BFAR: variants seen among roughly 807,000 people sequenced by gnomAD.
BFAR encodes the protein bifunctional apoptosis regulator, also known as RING finger protein 47.
BFAR carries 52 observed loss-of-function variants against 54.4 expected under a neutral mutation model. The ratio of observed to expected loss-of-function variants is 0.96; its 90% CI spans 0.77 to 1.21. BFAR has a LOEUF of 1.21. BFAR is among the 50% of genes most tolerant of loss of function. The pLI is 0.00. For missense variants in BFAR, 571 were observed against 534.0 expected, an observed-to-expected ratio of 1.07 and a Z score of -0.68; for synonymous variants, 215 against 204.3, an observed-to-expected ratio of 1.05 and a Z score of -0.45.
chr16:14,658,863 C>A (rs1960201887), intron 5 of BFAR, among the ~76,000 whole-genome samples: 1 of 151,934 alleles, frequency 6.6e-6, no homozygotes, highest in Non-Finnish European at 1.5e-5. Flanking sequence ...GACAAAATTA[C>A]AATATCACCA....
intron 1 of BFAR, among the ~76,000 whole-genome samples, chr16:14,634,867 C>T (rs1959384298): frequency 6.6e-6 from 1 of 152,144 alleles, no homozygotes; most frequent in Admixed American, 6.5e-5. Flanking sequence ...AAAACGTACA[C>T]AAATAAAAGT....
chr16:14,641,583 C>CGGACATGGT lies in BFAR; in HGVS notation c.-73-2688_-73-2680dup, dbSNP rs1959629859. 3.3e-5 allele frequency among the ~76,000 whole-genome samples: 5 copies of CGGACATGGT among 150,924 alleles called. No homozygotes were observed. In the Admixed American group the frequency reaches 3.3e-4, roughly 10 times the overall value. On this transcript the variant is annotated intron_variant, in intron 1 of 7. Coordinates refer to ENST00000261658, the MANE Select transcript of BFAR (RefSeq NM_016561.3). ...AAAAAAAAAAGTATACTATAGAGGC[C>CGGACATGGT]GGACATGGTGGCTCACGCCTGTAAT...
chr16:14,657,221 TTG>T (rs965869840), intron 5 of BFAR, among the ~76,000 whole-genome samples: 5 of 152,144 alleles, frequency 3.3e-5, no homozygotes, highest in African/African-American at 9.6e-5. Flanking sequence ...TTGTTATTTT[TTG>T]TGTTATTTGG....
intron 1 of BFAR, 152 bp downstream of exon 1, chr16:14,633,170 T>A (rs1959311574): frequency 6.6e-6 from 1 of 152,084 alleles, no homozygotes; most frequent in African/African-American, 2.4e-5. Flanking sequence ...CAGGCCCGAG[T>A]CCTGAGCATC....
intron 7 of BFAR, among the ~76,000 whole-genome samples, chr16:14,665,836 GA>G (rs1161729158): frequency 6.6e-6 from 1 of 152,180 alleles, no homozygotes; most frequent in African/African-American, 2.4e-5. Flanking sequence ...GTGCTTTATA[GA>G]AAATGCAGTA....
Position 14,667,958 on chromosome 16 carries a change from A to C in BFAR, c.*131A>C. On this transcript the variant is annotated 3_prime_UTR_variant, in exon 8 of 8. Coordinates refer to ENST00000261658, the MANE Select transcript of BFAR (RefSeq NM_016561.3). ...AAACAAGGTGCTGCTTTGTATATCAAAAGCTCCAACCATGTCCTCTCCCCC... is the reference window on the plus strand; with the variant it reads ...AAACAAGGTGCTGCTTTGTATATCACAAGCTCCAACCATGTCCTCTCCCCC... The C allele has an allele frequency of 2.0e-6, 2 of 991,926 alleles. No homozygotes were observed. Among genetic ancestry groups the C allele is most frequent in the Non-Finnish European group, 3.0e-6 (2 of 669,534 alleles). 61.4% of individuals were successfully genotyped at this position (991,926 alleles called of 1,614,324 possible).
chr16:14,655,731 C>T (rs1002742044), intron 5 of BFAR, among the ~76,000 whole-genome samples: 17 of 152,236 alleles, frequency 1.1e-4, no homozygotes, highest in Middle Eastern at 3.4e-3. Flanking sequence ...TCAGCCACCG[C>T]GCCTGGCCTG....
At position 14,668,985 on chromosome 16, in the gene BFAR, G is replaced by T; in HGVS notation, c.*1158G>T. 2.2e-6 allele frequency: 1 copy of T among 444,452 alleles called. No individual in the cohort carries two copies. The highest frequency in any genetic ancestry group is 4.5e-6 in the Non-Finnish European group (1 of 220,792). 27.5% of individuals were successfully genotyped at this position (444,452 alleles called of 1,614,324 possible). A position where few individuals can be genotyped will look rare whatever the true frequency, so the allele number is the denominator to read the frequency against. On this transcript the variant is annotated 3_prime_UTR_variant, in exon 8 of 8. Coordinates refer to ENST00000261658, the MANE Select transcript of BFAR (RefSeq NM_016561.3). ...AGGTATAATTACACCAAGCGCTATA[G>T]TTATAAATATGGCATGAAGTGAACT... is the stretch of plus-strand genomic sequence containing the variant.
intron 1 of BFAR, among the ~76,000 whole-genome samples, chr16:14,641,302 G>A (rs1373745397): frequency 6.6e-6 from 1 of 152,200 alleles, no homozygotes; most frequent in Non-Finnish European, 1.5e-5. Flanking sequence ...GAAGAGAAGA[G>A]TAGCTGAGAG....
chr16:14,636,995 G>A (rs903468303), intron 1 of BFAR, among the ~76,000 whole-genome samples: 3 of 152,208 alleles, frequency 2.0e-5, no homozygotes, highest in Non-Finnish European at 4.4e-5. Context: ...TAGATTAACA[G>A]CATCTCAAGG....
At chr16:14,636,056 G>C (rs1357848788) in intron 1 of BFAR, among the ~76,000 whole-genome samples, 2 of 152,170 alleles carry the variant, frequency 1.3e-5, no homozygotes, top group African/African-American at 2.4e-5. Flanking sequence ...GTGCACTCTA[G>C]ATATTTAATA....
At chr16:14,644,195 G>T in intron 1 of BFAR, 79 bp from the exon 2 acceptor site, 6 of 764,832 alleles carry the variant, frequency 7.8e-6, no homozygotes, top group Non-Finnish European at 1.3e-5. Context: ...CGCTTCAATA[G>T]AATGTCAATA....
At chr16:14,646,424 G>C (rs1959796962) in intron 2 of BFAR, among the ~76,000 whole-genome samples, 1 of 151,604 alleles carries the variant, frequency 6.6e-6, no homozygotes, top group Non-Finnish European at 1.5e-5. Context: ...CTGACCTTTA[G>C]TGATCCGCCC....
At chr16:14,659,611 C>T (rs1341274869) in intron 5 of BFAR, among the ~76,000 whole-genome samples, 5 of 150,708 alleles carry the variant, frequency 3.3e-5, no homozygotes, top group African/African-American at 7.3e-5. Context: ...AGTGCAGTGG[C>T]GCAATCTCCA....
chr16:14,643,110 C>A (rs1214505110), intron 1 of BFAR, among the ~76,000 whole-genome samples: 1 of 152,118 alleles, frequency 6.6e-6, no homozygotes, highest in Non-Finnish European at 1.5e-5. Context: ...GTCAGGAGTT[C>A]AAGACCAGCC....
chr16:14,663,119 C>T (rs951466479), intron 6 of BFAR, among the ~76,000 whole-genome samples: 3 of 152,206 alleles, frequency 2.0e-5, no homozygotes, highest in Admixed American at 6.5e-5. Context: ...AGCGCAGCGC[C>T]GGGCTGTCTG....
intron 7 of BFAR, 69 bp from the exon 8 acceptor site, chr16:14,667,566 C>G: frequency 2.8e-6 from 4 of 1,444,936 alleles, no homozygotes; most frequent in Non-Finnish European, 3.8e-6. Flanking sequence ...AGAAAAGGCC[C>G]AGGGCCCGGA....
chr16:14,658,744 AG>A (rs2151842822), intron 5 of BFAR, among the ~76,000 whole-genome samples: 1 of 151,760 alleles, frequency 6.6e-6, no homozygotes, highest in South Asian at 2.1e-4. Flanking sequence ...AAAAAAAAAA[AG>A]GAAAACCTTA....
chr16:14,666,508 G>A (rs1223336321), intron 7 of BFAR, among the ~76,000 whole-genome samples: 6 of 152,064 alleles, frequency 3.9e-5, no homozygotes, highest in Non-Finnish European at 8.8e-5. Flanking sequence ...AGAGGTGGAG[G>A]TTGCAGTGAG....
Sources: gnomAD v4.1 joint callset for allele counts (sites outside exome capture counted in the v4.1 genomes callset) on GRCh38, gnomAD v4.1.1 for gene constraint, MANE v1.5 for transcripts, NCBI Gene and HGNC (gene_info 2026-07-23, HGNC 2026-07-21) for gene names.